Variants in KMT2C observed in about 807,000 individuals in gnomAD.
KMT2C encodes lysine methyltransferase 2C.
In KMT2C, 88 loss-of-function variants were observed where a neutral mutation model predicts 507.9. The observed-to-expected ratio is 0.17, with a 90% CI of 0.15 to 0.21. The LOEUF (loss-of-function observed/expected upper bound fraction) is 0.21. Among genes scored for constraint, KMT2C ranks in the 10% least tolerant of loss-of-function variants. KMT2C has a pLI of 1.00. For missense variants in KMT2C, 4,954 were observed against 5,957.8 expected (o/e 0.83, Z 5.55); for synonymous variants, 2,049 against 2,080.8 (o/e 0.98, Z 0.42).
At chr7:152,297,057 G>GACAGAAAGAAAGAAAGAAAGAA (rs756980169) in intron 6 of KMT2C, among the ~76,000 whole-genome samples, 2 of 90,696 alleles carry the variant, frequency 2.2e-5, no homozygotes, top group African/African-American at 4.8e-5. Flanking sequence ...AAGAAAGACA[G>GACAGAAAGAAAGAAAGAAAGAA]AGAGAGAGAG....
chr7:152,425,503 G>C (rs1370596204), intron 1 of KMT2C, among the ~76,000 whole-genome samples: 1 of 152,122 alleles, frequency 6.6e-6, no homozygotes, highest in Non-Finnish European at 1.5e-5. Context: ...CTGGAACCAG[G>C]GAGGCATAGG....
Position 152,215,599 on chromosome 7 carries a change from T to C in KMT2C, c.3712+4924A>G, listed in dbSNP as rs1434725298. ...GAAAGAACAGGTAAGTTAAATTGCT[T>C]ATATTTCCATACAAAGGAATATTTG... On this transcript the variant is annotated intron_variant, in intron 23 of 58. Transcript: ENST00000262189. 2.7e-5 allele frequency among the ~76,000 whole-genome samples: 4 copies of C among 150,090 alleles called. No homozygotes were observed. The East Asian group carries it at 7.8e-4, about 29-fold the overall frequency.
At chr7:152,149,737 T>A (rs2091449429) in intron 51 of KMT2C, among the ~76,000 whole-genome samples, 1 of 152,200 alleles carries the variant, frequency 6.6e-6, no homozygotes. Context: ...CTGAAACAGT[T>A]GAGCTGAGGG....
chr7:152,140,721 G>A (rs1292536710), intron 55 of KMT2C, among the ~76,000 whole-genome samples: 2 of 152,170 alleles, frequency 1.3e-5, no homozygotes, highest in Non-Finnish European at 2.9e-5. Flanking sequence ...AGGACCATGT[G>A]CTGCCCCAGC....
Position 152,367,054 on chromosome 7 carries a change from G to T in KMT2C, c.162-8379C>A, listed in dbSNP as rs997741658. 11 of 664,492 alleles carry T rather than the reference G, an allele frequency of 1.7e-5. No individual in the cohort carries two copies. In the Admixed American group the frequency reaches 2.9e-4, roughly 17 times the overall value. 41.2% of individuals were successfully genotyped at this position (664,492 alleles called of 1,614,324 possible). A position where few individuals can be genotyped will look rare whatever the true frequency, so the allele number is the denominator to read the frequency against. Reference sequence around the variant, plus strand: ...CTTGCGGAATCCACAGGTCTTTCTTGAAGAAATCTGTAGTCAGAACTCTGT... The same window carrying T: ...CTTGCGGAATCCACAGGTCTTTCTTTAAGAAATCTGTAGTCAGAACTCTGT... On this transcript the variant is annotated intron_variant, in intron 1 of 58. Transcript: ENST00000262189.
intron 4 of KMT2C, among the ~76,000 whole-genome samples, chr7:152,313,255 A>G (rs1244143645): frequency 6.6e-6 from 1 of 152,084 alleles, no homozygotes; most frequent in Non-Finnish European, 1.5e-5. Context: ...AAAAAGACCA[A>G]CAGTTCATCT....
At chr7:152,173,141 T>C (rs943992616) in intron 39 of KMT2C, among the ~76,000 whole-genome samples, 1 of 152,188 alleles carries the variant, frequency 6.6e-6, no homozygotes, top group African/African-American at 2.4e-5. Flanking sequence ...TATCTCTACT[T>C]TGATCTCAAA....
intron 6 of KMT2C, among the ~76,000 whole-genome samples, chr7:152,287,816 GA>G (rs2129184345): frequency 6.6e-6 from 1 of 152,124 alleles, no homozygotes; most frequent in South Asian, 2.1e-4. Context: ...TTGAGGTCAG[GA>G]GTTCGAGACC....
intron 1 of KMT2C, among the ~76,000 whole-genome samples, chr7:152,373,885 A>C (rs901345735): frequency 9.9e-5 from 15 of 152,148 alleles, no homozygotes; most frequent in Admixed American, 3.9e-4. Context: ...AATTTTTTTT[A>C]AAAAGGGACA....
intron 39 of KMT2C, 43 bp downstream of exon 39, chr7:152,174,088 A>T (rs760082346): frequency 9.9e-7 from 1 of 1,008,094 alleles, no homozygotes; most frequent in South Asian, 1.4e-5. Context: ...TGATTTCATG[A>T]ATGTCTAGAT....
intron 31 of KMT2C, among the ~76,000 whole-genome samples, chr7:152,188,605 C>CTTTTTTTT (rs1217052972): frequency 2.8e-4 from 27 of 96,774 alleles, no homozygotes; most frequent in Non-Finnish European, 3.2e-4. Flanking sequence ...TGATTCTTTC[C>CTTTTTTTT]TTTTTTTTTT....
chr7:152,276,204 C>A (rs559229939), intron 6 of KMT2C, among the ~76,000 whole-genome samples: 1 of 152,056 alleles, frequency 6.6e-6, no homozygotes, highest in Non-Finnish European at 1.5e-5. Context: ...GAAGAGCACT[C>A]GGCATTAAAA....
intron 1 of KMT2C, among the ~76,000 whole-genome samples, chr7:152,430,184 G>GAAAAAAAAA (rs59960992): frequency 1.1e-5 from 1 of 87,134 alleles, no homozygotes. Flanking sequence ...TCAAAAAAAA[G>GAAAAAAAAA]AAAAAAAAAA....
chr7:152,241,085 A>G (rs966743513), intron 14 of KMT2C, among the ~76,000 whole-genome samples: 1 of 152,196 alleles, frequency 6.6e-6, no homozygotes, highest in African/African-American at 2.4e-5. Context: ...CGCTCCAGCT[A>G]TTCTGGCTTC....
intron 1 of KMT2C, among the ~76,000 whole-genome samples, chr7:152,389,352 C>CAAAAAAA (rs386411673): frequency 2.6e-5 from 2 of 77,686 alleles, no homozygotes; most frequent in African/African-American, 8.3e-5. Flanking sequence ...GACTCCGTCT[C>CAAAAAAA]AAAAAAAAAA....
Position 152,311,484 on chromosome 7 carries a change from A to G in KMT2C, c.739+314T>C, listed in dbSNP as rs568163142. ...TAGACTCAGAATGCCACATTCCCCA[A>G]GTTCTCACTTTAAAATTTTCCCCTT... On this transcript the variant is annotated intron_variant, in intron 5 of 58. Coordinates refer to ENST00000262189, the MANE Select transcript of KMT2C (RefSeq NM_170606.3). Among the ~76,000 whole-genome samples, 72 of 152,266 alleles carry G rather than the reference A, an allele frequency of 4.7e-4. 1 individual carries two copies. Among genetic ancestry groups the G allele is most frequent in the African/African-American group, 1.7e-3 (71 of 41,546 alleles).
In KMT2C at chr7:152,307,248, A is replaced by AGGAC. The variant is rs1554631753; in HGVS notation, c.849+2714_849+2717dup. 4.9e-3 allele frequency among the ~76,000 whole-genome samples: 573 copies of AGGAC among 116,972 alleles called. 6 individuals carry two copies. The highest frequency in any genetic ancestry group is 9.1e-3 in the African/African-American group (213 of 23,512). 76.7% of individuals were successfully genotyped at this position (116,972 alleles called of 152,430 possible). A position where few individuals can be genotyped will look rare whatever the true frequency, so the allele number is the denominator to read the frequency against. Reference sequence around the variant, plus strand: ...AAGGAAGGAAGGAAGGAAGGAAGGAAGGACGGTAGGAAGGAAGGAAGGAAG... The same window carrying AGGAC: ...AAGGAAGGAAGGAAGGAAGGAAGGAAGGACGGACGGTAGGAAGGAAGGAAGGAAG... On this transcript the variant is annotated intron_variant, in intron 6 of 58. Transcript: ENST00000262189.
At chr7:152,153,875 A>G (rs1052716367) in intron 48 of KMT2C, 135 bp downstream of exon 48, 6 of 830,396 alleles carry the variant, frequency 7.2e-6, no homozygotes, top group Non-Finnish European at 1.1e-5. Flanking sequence ...AGAGGTCTGC[A>G]GTGAGCATCA....
intron 44 of KMT2C, among the ~76,000 whole-genome samples, chr7:152,158,085 G>A (rs2092191519): frequency 6.6e-6 from 1 of 152,196 alleles, no homozygotes; most frequent in Admixed American, 6.5e-5. Flanking sequence ...AGAGACTACA[G>A]ACCTTTGAGA....
Sources: allele counts gnomAD v4.1 joint callset (sites outside exome capture counted in the v4.1 genomes callset), GRCh38; gene constraint gnomAD v4.1.1; transcripts MANE v1.5; gene names NCBI Gene and HGNC (gene_info 2026-07-23, HGNC 2026-07-21).